Variants in DDX52 observed in about 807,000 individuals in gnomAD.
The protein encoded by DDX52 is probable ATP-dependent RNA helicase DDX52.
In DDX52, 59 loss-of-function variants were observed where a neutral mutation model predicts 76.1. The ratio of observed to expected loss-of-function variants is 0.78; its 90% CI spans 0.63 to 0.96. The LOEUF (loss-of-function observed/expected upper bound fraction) is 0.96. DDX52 is among the 40% of genes least tolerant of loss of function. The pLI is 0.00. For missense variants in DDX52, 707 were observed against 703.9 expected, an observed-to-expected ratio of 1.00 and a Z score of -0.05; for synonymous variants, 231 against 244.1, an observed-to-expected ratio of 0.95 and a Z score of 0.50.
intron 4 of DDX52, 82 bp from the exon 5 acceptor site, chr17:37,630,255 A>T (rs1413462298): frequency 7.4e-7 from 1 of 1,359,078 alleles, no homozygotes; most frequent in African/African-American, 1.5e-5. Context: ...TACCAGCCAT[A>T]GAAAAAAACA....
intron 2 of DDX52, among the ~76,000 whole-genome samples, chr17:37,635,194 C>G (rs959787161): frequency 1.3e-5 from 2 of 152,176 alleles, no homozygotes; most frequent in African/African-American, 2.4e-5. Context: ...CTAGCAAAGA[C>G]TAGTTCTAAT....
chr17:37,634,630 CTAAA>C (rs1418010301), intron 2 of DDX52, among the ~76,000 whole-genome samples: 1 of 151,892 alleles, frequency 6.6e-6, no homozygotes, highest in South Asian at 2.1e-4. Context: ...GACTCTGTCT[CTAAA>C]TAAATAAATA....
chr17:37,629,421 C>T (rs1394446433), intron 5 of DDX52, among the ~76,000 whole-genome samples: 1 of 151,918 alleles, frequency 6.6e-6, no homozygotes, highest in Non-Finnish European at 1.5e-5. Flanking sequence ...GCCTGTAAGC[C>T]CTGTACTTTG....
chr17:37,633,287 C>T lies in DDX52; in HGVS notation c.417+1G>A, dbSNP rs112740335. On this transcript the variant is annotated splice_donor_variant, in intron 3 of 14. Transcript: ENST00000617633. LOFTEE classifies it high-confidence loss of function. ...TTTTGGCCCCAAAATATTTTTCTAA[C>T]CTTTTCTTTTCTGAGATTCTCCAAC... 700 of 1,598,790 alleles carry T rather than the reference C, an allele frequency of 4.4e-4. No individual in the cohort carries two copies. The highest frequency in any genetic ancestry group is 5.4e-4 in the Non-Finnish European group (634 of 1,175,186).
Position 37,640,579 on chromosome 17 carries a change from T to C in DDX52, c.286+1531A>G, listed in dbSNP as rs1347979098. The stretch of plus-strand genomic sequence containing the variant: ...GGAGAGAAACAGTAGGAAGGAACTT[T>C]ACTTTTCATCATTGTATAACTCAAG... On this transcript the variant is annotated intron_variant, in intron 2 of 14. Coordinates refer to ENST00000617633, the MANE Select transcript of DDX52 (RefSeq NM_007010.5). 5.9e-5 allele frequency among the ~76,000 whole-genome samples: 9 copies of C among 151,754 alleles called. No homozygotes were observed. In the East Asian group the frequency reaches 1.7e-3, roughly 29 times the overall value.
Position 37,618,326 on chromosome 17 carries a change from G to A in DDX52, c.1708C>T (p.Pro570Ser). The change falls in exon 14 of 15, where the codon CCA becomes TCA. Residue 570 changes from proline (P) to serine (S), a missense_variant. Transcript: ENST00000617633. ...PLERESISTT[P>S]KCFLEKAKDK... Reference sequence around the variant, plus strand: ...TTAGCTTTTTCTAAGAAACATTTTGGAGTTGTACTAATGCTCTCCCTTTCC... The same window carrying A: ...TTAGCTTTTTCTAAGAAACATTTTGAAGTTGTACTAATGCTCTCCCTTTCC... The A allele has an allele frequency of 1.9e-6, 3 of 1,597,060 alleles. No homozygotes were observed. Among genetic ancestry groups the A allele is most frequent in the Non-Finnish European group, 2.6e-6 (3 of 1,175,322 alleles).
chr17:37,624,901 C>T (rs1228704012), intron 8 of DDX52, among the ~76,000 whole-genome samples: 3 of 151,964 alleles, frequency 2.0e-5, no homozygotes, highest in African/African-American at 7.2e-5. Context: ...ATATTTTTCC[C>T]ATTTAATTAT....
rs2064362893 is a variant in DDX52, at chr17:37,611,434, TTTCTACAGCTG to T, written c.*2851_*2861del. 1 of 152,154 alleles carries T rather than the reference TTTCTACAGCTG, an allele frequency of 6.6e-6. No homozygotes were observed. The allele number at this position is 152,154 out of a possible 1,614,324, so 9.4% of individuals were successfully genotyped here. ...TAAGGATATAAAGAAATAAAGTATT[TTTCTACAGCTG>T]TACATTTGCATTTTAGGCTAAGTGT... On this transcript the variant is annotated 3_prime_UTR_variant, in exon 15 of 15. Coordinates refer to ENST00000617633, the MANE Select transcript of DDX52 (RefSeq NM_007010.5).
chr17:37,612,700 T>G lies in DDX52; in HGVS notation c.*1596A>C, dbSNP rs948462338. On this transcript the variant is annotated 3_prime_UTR_variant, in exon 15 of 15. Transcript: ENST00000617633. ...CATTGTAAGGGTAAGGACTGTGTTA[T>G]CAAGCCTGTATTCCTAACAAAATCT... 6.6e-6 allele frequency: 1 copy of G among 152,370 alleles called. No individual in the cohort carries two copies. Among genetic ancestry groups the G allele is most frequent in the East Asian group, 1.9e-4 (1 of 5,192 alleles). The allele number at this position is 152,370 out of a possible 1,614,324, so 9.4% of individuals were successfully genotyped here.
rs1253107141 is a variant in DDX52, at chr17:37,626,874, A to T, written c.860-14T>A. On this transcript the variant is annotated splice_polypyrimidine_tract_variant and intron_variant, in intron 6 of 14. Coordinates refer to ENST00000617633, the MANE Select transcript of DDX52 (RefSeq NM_007010.5). The stretch of plus-strand genomic sequence containing the variant: ...TCACAAGAATATCTATAGGAAAAAC[A>T]AATGGTAGAAATTGCAAAAACAGGA... The T allele has an allele frequency of 6.2e-7, 1 of 1,600,818 alleles. No homozygotes were observed. Among genetic ancestry groups the T allele is most frequent in the Non-Finnish European group, 8.5e-7 (1 of 1,174,916 alleles).
intron 2 of DDX52, chr17:37,635,582 T>G (rs750108179): frequency 5.3e-5 from 24 of 455,648 alleles, no homozygotes; most frequent in Non-Finnish European, 9.7e-5. Flanking sequence ...TCCATTGTAA[T>G]GGATGTACAG....
intron 14 of DDX52, among the ~76,000 whole-genome samples, chr17:37,615,996 G>C (rs967889938): frequency 6.6e-6 from 1 of 152,134 alleles, no homozygotes; most frequent in Non-Finnish European, 1.5e-5. Context: ...CCTAGCAACA[G>C]AGATTCCATC....
intron 14 of DDX52, among the ~76,000 whole-genome samples, chr17:37,616,662 C>CAAAAAAAAAAA (rs1188716926): frequency 8.2e-6 from 1 of 122,444 alleles, no homozygotes; most frequent in African/African-American, 3.1e-5. Context: ...GACTCCATCT[C>CAAAAAAAAAAA]AAAAAAAAAA....
rs2064371881 is a variant in DDX52 at position 37,611,967 on chromosome 17, AAAAAAACAAAAC to A, written c.*2317_*2328del. 6.7e-6 allele frequency: 1 copy of A among 149,148 alleles called. No homozygotes were observed. The highest frequency in any genetic ancestry group is 6.7e-5 in the Admixed American group (1 of 14,928). 9.2% of individuals were successfully genotyped at this position (149,148 alleles called of 1,614,324 possible). ...CAGACCCTGTTTCTCAAAAAAAAAA[AAAAAAACAAAAC>A]AAAAAAACTCATAAAGTAAAAGTTA... On this transcript the variant is annotated 3_prime_UTR_variant, in exon 15 of 15. Coordinates refer to ENST00000617633, the MANE Select transcript of DDX52 (RefSeq NM_007010.5).
At chr17:37,625,272 T>C (rs2030307326) in intron 8 of DDX52, among the ~76,000 whole-genome samples, 1 of 152,140 alleles carries the variant, frequency 6.6e-6, no homozygotes, top group Non-Finnish European at 1.5e-5. Flanking sequence ...TGATTACAGG[T>C]GTGAGGCACC....
chr17:37,627,228 A>G (rs1464234476), intron 6 of DDX52, among the ~76,000 whole-genome samples: 2 of 152,016 alleles, frequency 1.3e-5, no homozygotes, highest in Non-Finnish European at 1.5e-5. Context: ...TTTTTGAGAC[A>G]GTCTAGCTCT....
At position 37,620,022 on chromosome 17, in the gene DDX52, G is replaced by A. The variant is rs185338093; in HGVS notation, c.1578-183C>T. 722 of 535,762 alleles carry A rather than the reference G, an allele frequency of 1.3e-3. 4 individuals carry two copies. The highest frequency in any genetic ancestry group is 1.5e-4 in the Non-Finnish European group (47 of 304,272). 33.2% of individuals were successfully genotyped at this position (535,762 alleles called of 1,614,324 possible). The stretch of plus-strand genomic sequence containing the variant: ...GGATTACAGAGAGAACTATCCACTG[G>A]GCTGAAATTAATGCACTGATGAATA... On this transcript the variant is annotated intron_variant, in intron 12 of 14. Coordinates refer to ENST00000617633, the MANE Select transcript of DDX52 (RefSeq NM_007010.5).
At position 37,643,443 on chromosome 17, in the gene DDX52, T is replaced by A; in HGVS notation, c.-23A>T. On this transcript the variant is annotated 5_prime_UTR_variant, in exon 1 of 15. Coordinates refer to ENST00000617633, the MANE Select transcript of DDX52 (RefSeq NM_007010.5). ...CATCTTTACCCAGAAAGCGCCACAG[T>A]TCTACGGCGCCTGCGCAGACTACTT... 6 of 1,612,198 alleles carry A rather than the reference T, an allele frequency of 3.7e-6. No individual in the cohort carries two copies. The highest frequency in any genetic ancestry group is 5.1e-6 in the Non-Finnish European group (6 of 1,179,082).
intron 9 of DDX52, among the ~76,000 whole-genome samples, chr17:37,622,852 A>G (rs1279244473): frequency 6.6e-6 from 1 of 152,232 alleles, no homozygotes. Context: ...AGCATTTACT[A>G]TGTGCCAAGC....
Sources: allele counts gnomAD v4.1 joint callset (sites outside exome capture counted in the v4.1 genomes callset), GRCh38; gene constraint gnomAD v4.1.1; transcripts MANE v1.5; gene names NCBI Gene and HGNC (gene_info 2026-07-23, HGNC 2026-07-21).